The following KLHL24 variants were observed in gnomAD, a reference collection of about 807,000 sequenced individuals.
KLHL24 encodes kelch like family member 24, also known as kelch-like protein 24.
KLHL24 carries 29 observed loss-of-function variants against 53.4 expected under a neutral mutation model. That is an observed-to-expected ratio of 0.54 (90% CI 0.40 to 0.74). KLHL24 has a LOEUF of 0.74. KLHL24 is among the 30% of genes least tolerant of loss of function. The pLI is 0.00. For missense variants in KLHL24, 504 were observed against 744.0 expected, an observed-to-expected ratio of 0.68 and a Z score of 3.75; for synonymous variants, 222 against 253.7, an observed-to-expected ratio of 0.88 and a Z score of 1.19.
Position 183,651,785 on chromosome 3 carries a change from C to T in KLHL24, c.920+509C>T, listed in dbSNP as rs373329791. On this transcript the variant is annotated intron_variant, in intron 3 of 7. Coordinates refer to ENST00000242810, the MANE Select transcript of KLHL24 (RefSeq NM_017644.3). ...CCTGGGCAACATAGCGAGACCTCATCGCTACTAAAAATAATTAGCCAGGCA... is the reference window on the plus strand; with the variant it reads ...CCTGGGCAACATAGCGAGACCTCATTGCTACTAAAAATAATTAGCCAGGCA... 1.5e-4 allele frequency among the ~76,000 whole-genome samples: 23 copies of T among 152,162 alleles called. 1 individual carries two copies. The highest frequency in any genetic ancestry group is 5.2e-4 in the Admixed American group (8 of 15,260).
chr3:183,674,247 CTTTCTT>C (rs1416336845), intron 7 of KLHL24, among the ~76,000 whole-genome samples: 1 of 88,474 alleles, frequency 1.1e-5, no homozygotes, highest in African/African-American at 4.8e-5. Flanking sequence ...CATCAATTTT[CTTTCTT>C]TCTTTCTTTC....
chr3:183,638,541 G>A (rs1289197238), intron 1 of KLHL24, among the ~76,000 whole-genome samples: 1 of 152,142 alleles, frequency 6.6e-6, no homozygotes, highest in Non-Finnish European at 1.5e-5. Flanking sequence ...ACAAGTATAC[G>A]TATGAAAAAT....
chr3:183,652,258 T>C (rs1024174544), intron 3 of KLHL24, among the ~76,000 whole-genome samples: 3 of 152,246 alleles, frequency 2.0e-5, no homozygotes, highest in Non-Finnish European at 2.9e-5. Context: ...ATATTATTTC[T>C]ATAAAATACT....
chr3:183,679,207 TA>T lies in KLHL24; in HGVS notation c.1725del (p.Ala576LeufsTer13). The T allele has an allele frequency of 1.9e-6, 3 of 1,613,800 alleles. No individual in the cohort carries two copies. The highest frequency in any genetic ancestry group is 2.5e-6 in the Non-Finnish European group (3 of 1,179,770). On this transcript the variant is annotated frameshift_variant, in exon 8 of 8. Coordinates refer to ENST00000242810, the MANE Select transcript of KLHL24 (RefSeq NM_017644.3). LOFTEE classifies it high-confidence loss of function. ...YDPATSIITGVAAMPRPVSYH... is the reference protein window; with the variant it reads ...YDPATSIITGXAAMPRPVSYH... ...CCTGCAACAAGTATCATCACAGGGG[TA>T]GCTGCAATGCCCAGGCCAGTGTCCT... is the stretch of plus-strand genomic sequence containing the variant.
Position 183,664,868 on chromosome 3 carries a change from G to T in KLHL24, c.1106-53G>T, listed in dbSNP as rs975754494. On this transcript the variant is annotated intron_variant, in intron 4 of 7. Transcript: ENST00000242810. The stretch of plus-strand genomic sequence containing the variant: ...ATGCCTTGGTGGCACAGATCTCTTG[G>T]TGACAGCTATATCATGATAAATTAT... The T allele has an allele frequency of 3.1e-6, 3 of 972,078 alleles. No individual in the cohort carries two copies. In the Admixed American group the frequency reaches 5.9e-5, roughly 19 times the overall value. 60.2% of individuals were successfully genotyped at this position (972,078 alleles called of 1,614,324 possible). A position where few individuals can be genotyped will look rare whatever the true frequency, so the allele number is the denominator to read the frequency against.
intron 5 of KLHL24, 62 bp from the exon 6 acceptor site, chr3:183,670,972 G>A (rs2108873604): frequency 8.7e-7 from 1 of 1,154,052 alleles, no homozygotes; most frequent in African/African-American, 1.5e-5. Flanking sequence ...TAATTCTTTA[G>A]CCAACTACTT....
chr3:183,673,279 C>G (rs772009998), intron 7 of KLHL24, among the ~76,000 whole-genome samples: 2 of 152,104 alleles, frequency 1.3e-5, no homozygotes, highest in Non-Finnish European at 2.9e-5. Flanking sequence ...TTCAAAACTC[C>G]ACATAAAGCA....
Position 183,671,033 on chromosome 3 carries a change from G to A in KLHL24, c.1225-1G>A. On this transcript the variant is annotated splice_acceptor_variant, in intron 5 of 7. Transcript: ENST00000242810. LOFTEE classifies it high-confidence loss of function. ...GATTTTTCCATGTATTTTACATATA[G>A]GTATATGTTGTCGGTGGCTATGATG... is the stretch of plus-strand genomic sequence containing the variant. 6.3e-7 allele frequency: 1 copy of A among 1,599,600 alleles called. No individual in the cohort carries two copies. Among genetic ancestry groups the A allele is most frequent in the Non-Finnish European group, 8.6e-7 (1 of 1,167,346 alleles).
At chr3:183,676,068 G>T (rs2108895309) in intron 7 of KLHL24, among the ~76,000 whole-genome samples, 1 of 152,262 alleles carries the variant, frequency 6.6e-6, no homozygotes, top group South Asian at 2.1e-4. Context: ...AATAATTGAA[G>T]TTCAAATCTA....
At chr3:183,662,602 T>C (rs1719965227) in intron 3 of KLHL24, among the ~76,000 whole-genome samples, 3 of 152,204 alleles carry the variant, frequency 2.0e-5, no homozygotes, top group African/African-American at 7.2e-5. Context: ...TGGTTATTCC[T>C]GTCTCTATTT....
chr3:183,652,906 A>G (rs1319092079), intron 3 of KLHL24, among the ~76,000 whole-genome samples: 1 of 152,158 alleles, frequency 6.6e-6, no homozygotes, highest in Non-Finnish European at 1.5e-5. Context: ...TGCATATCTC[A>G]TAGGATTAGA....
intron 7 of KLHL24, among the ~76,000 whole-genome samples, chr3:183,674,502 A>C (rs1259651538): frequency 6.6e-6 from 1 of 151,914 alleles, no homozygotes; most frequent in Non-Finnish European, 1.5e-5. Flanking sequence ...CTGGAATTAC[A>C]GGCGCCCACC....
At chr3:183,664,060 C>T (rs1576947638) in intron 4 of KLHL24, 1 of 152,154 alleles carries the variant, frequency 6.6e-6, no homozygotes, top group Admixed American at 6.5e-5. Flanking sequence ...CCACTGCACT[C>T]CAGCCTGGTG....
intron 3 of KLHL24, among the ~76,000 whole-genome samples, chr3:183,659,854 T>C (rs1476845618): frequency 1.3e-5 from 2 of 152,242 alleles, no homozygotes; most frequent in African/African-American, 4.8e-5. Flanking sequence ...GATATTTACC[T>C]ATGGTCATGG....
chr3:183,664,512 C>T (rs541938853), intron 4 of KLHL24, among the ~76,000 whole-genome samples: 2 of 151,824 alleles, frequency 1.3e-5, no homozygotes, highest in South Asian at 4.1e-4. Flanking sequence ...ATATTATCCA[C>T]ACTGAGAAAT....
At chr3:183,647,896 C>G (rs948899651) in intron 2 of KLHL24, among the ~76,000 whole-genome samples, 6 of 152,116 alleles carry the variant, frequency 3.9e-5, no homozygotes, top group African/African-American at 1.4e-4. Context: ...ATCCCAGTTA[C>G]TCGGGAGGCT....
chr3:183,674,466 T>C lies in KLHL24; in HGVS notation c.1602+1982T>C, dbSNP rs185115775. ...AACTCCGCCTCCTGGGTTCAAGTGATTCTCCTGCCTCAGCCTCCCGAGTAG... is the reference window on the plus strand; with the variant it reads ...AACTCCGCCTCCTGGGTTCAAGTGACTCTCCTGCCTCAGCCTCCCGAGTAG... On this transcript the variant is annotated intron_variant, in intron 7 of 7. Coordinates refer to ENST00000242810, the MANE Select transcript of KLHL24 (RefSeq NM_017644.3). Among the ~76,000 whole-genome samples, 166 of 152,146 alleles carry C rather than the reference T, an allele frequency of 1.1e-3. 1 individual carries two copies. Among genetic ancestry groups the C allele is most frequent in the African/African-American group, 3.8e-3 (156 of 41,522 alleles).
chr3:183,648,080 A>G (rs1444182285), intron 2 of KLHL24, among the ~76,000 whole-genome samples: 5 of 152,220 alleles, frequency 3.3e-5, no homozygotes, highest in Non-Finnish European at 5.9e-5. Context: ...GGCCTAGTAC[A>G]GTATCGTGAC....
chr3:183,664,579 T>A (rs1394683827), intron 4 of KLHL24, among the ~76,000 whole-genome samples: 1 of 148,538 alleles, frequency 6.7e-6, no homozygotes, highest in African/African-American at 2.5e-5. Flanking sequence ...ATCGGTCAAT[T>A]AAAAAAAAAA....
Sources: gnomAD v4.1 joint callset for allele counts (sites outside exome capture counted in the v4.1 genomes callset) on GRCh38, gnomAD v4.1.1 for gene constraint, MANE v1.5 for transcripts, NCBI Gene and HGNC (gene_info 2026-07-23, HGNC 2026-07-21) for gene names.